AMD1: variants seen among roughly 807,000 people sequenced by gnomAD.
AMD1 encodes S-adenosylmethionine decarboxylase proenzyme.
In AMD1, 11 loss-of-function variants were observed where a neutral mutation model predicts 40.2. The observed-to-expected ratio is 0.27, with a 90% CI of 0.17 to 0.45. The LOEUF (loss-of-function observed/expected upper bound fraction) is 0.45. AMD1 is among the 20% of genes least tolerant of loss of function. The pLI, the probability that AMD1 is intolerant of heterozygous loss-of-function variation, is 1.00. For missense variants in AMD1, 257 were observed against 410.2 expected, an observed-to-expected ratio of 0.63 and a Z score of 3.23; for synonymous variants, 121 against 130.8, an observed-to-expected ratio of 0.93 and a Z score of 0.51.
intron 1 of AMD1, among the ~76,000 whole-genome samples, chr6:110,876,017 GGA>G (rs1009053773): frequency 6.6e-6 from 1 of 152,222 alleles, no homozygotes; most frequent in African/African-American, 2.4e-5. Flanking sequence ...GAGCGGGGCG[GGA>G]GAGGTGCGGG....
the AMD1 span, chr6:110,815,241 TCGCG>T: frequency 1.0e-4 from 114 of 1,128,994 alleles, no homozygotes; most frequent in Middle Eastern, 7.1e-4. Context: ...CAGCCGCCTC[TCGCG>T]CGCGCGCGCG....
At chr6:110,859,524 T>C in the AMD1 span, among the ~76,000 whole-genome samples, 10 of 152,188 alleles carry the variant, frequency 6.6e-5, no homozygotes, top group Non-Finnish European at 1.2e-4. Flanking sequence ...GTGGTTTCTG[T>C]ACCCGCAAAA....
At chr6:110,843,361 G>A in the AMD1 span, among the ~76,000 whole-genome samples, 3 of 150,786 alleles carry the variant, frequency 2.0e-5, no homozygotes, top group African/African-American at 7.3e-5. Flanking sequence ...CTACACGGGA[G>A]GCTGAGGCAG....
chr6:110,848,554 T>C, the AMD1 span: 10 of 379,620 alleles, frequency 2.6e-5, no homozygotes, highest in East Asian at 2.0e-4. Context: ...ACTGCACTTA[T>C]GTATGTTTTT....
chr6:110,869,255 C>CA, the AMD1 span, among the ~76,000 whole-genome samples: 979 of 151,808 alleles, frequency 6.4e-3, 5 homozygotes, highest in African/African-American at 0.022. Context: ...CTCAGCCTCC[C>CA]AAGTAGCTGG....
chr6:110,875,222 C>T lies in AMD1; in HGVS notation c.110+7C>T, dbSNP rs374054924. On this transcript the variant is annotated splice_region_variant and intron_variant, in intron 1 of 8. Coordinates refer to ENST00000368885, the MANE Select transcript of AMD1 (RefSeq NM_001634.6). Reference sequence around the variant, plus strand: ...ATCTTCGCACTATCCCAAGGTGGGTCCCCGGGGCGCTCGCTGACATCCGGG... The same window carrying T: ...ATCTTCGCACTATCCCAAGGTGGGTTCCCGGGGCGCTCGCTGACATCCGGG... The T allele has an allele frequency of 8.0e-5, 128 of 1,596,044 alleles. No individual in the cohort carries two copies. The highest frequency in any genetic ancestry group is 6.4e-4 in the African/African-American group (48 of 74,522).
At chr6:110,820,827 C>T in the AMD1 span, among the ~76,000 whole-genome samples, 2 of 151,960 alleles carry the variant, frequency 1.3e-5, no homozygotes, top group Admixed American at 6.5e-5. Context: ...CACTTGAACC[C>T]GGGAGGCAGA....
the AMD1 span, among the ~76,000 whole-genome samples, chr6:110,844,234 AAAG>A: frequency 4.1e-5 from 6 of 147,142 alleles, no homozygotes; most frequent in East Asian, 2.0e-4. Context: ...CTTCAAAAAA[AAAG>A]AAAGAAAGAA....
At chr6:110,817,222 C>G in the AMD1 span, among the ~76,000 whole-genome samples, 2 of 152,248 alleles carry the variant, frequency 1.3e-5, no homozygotes, top group South Asian at 4.1e-4. Context: ...GAACTGCCTG[C>G]TAGGTTTTGA....
intron 3 of AMD1, chr6:110,889,892 C>T (rs933102197): frequency 4.8e-5 from 8 of 167,188 alleles, no homozygotes; most frequent in African/African-American, 1.7e-4. Flanking sequence ...TTATTCCCCC[C>T]AAATTTTTGC....
chr6:110,850,428 T>C, the AMD1 span, among the ~76,000 whole-genome samples: 124 of 152,220 alleles, frequency 8.1e-4, no homozygotes, highest in Non-Finnish European at 6.5e-4. Flanking sequence ...AGAAAACTGG[T>C]TTCTCTGTTT....
At chr6:110,859,833 G>T in the AMD1 span, among the ~76,000 whole-genome samples, 9 of 152,086 alleles carry the variant, frequency 5.9e-5, no homozygotes, top group Admixed American at 5.9e-4. Flanking sequence ...TGTGGCCTCA[G>T]TAGGTTTTGT....
At chr6:110,877,427 A>G (rs1240689620) in intron 1 of AMD1, among the ~76,000 whole-genome samples, 1 of 152,280 alleles carries the variant, frequency 6.6e-6, no homozygotes, top group Non-Finnish European at 1.5e-5. Context: ...ACAGCCTAGC[A>G]AAGAGAGTAT....
the AMD1 span, among the ~76,000 whole-genome samples, chr6:110,829,577 G>C: frequency 6.6e-6 from 1 of 151,994 alleles, no homozygotes; most frequent in African/African-American, 2.4e-5. Context: ...GCTGAGGCAG[G>C]AGAATGGCGT....
the AMD1 span, among the ~76,000 whole-genome samples, chr6:110,829,165 C>T: frequency 9.3e-5 from 14 of 151,184 alleles, no homozygotes; most frequent in African/African-American, 2.9e-4. Context: ...AACAAAACTC[C>T]GTCTCAAACA....
the AMD1 span, among the ~76,000 whole-genome samples, chr6:110,846,208 C>T: frequency 3.8e-4 from 58 of 152,214 alleles, no homozygotes; most frequent in African/African-American, 1.3e-3. Flanking sequence ...CACTGCACTC[C>T]AGCCTGGGTG....
the AMD1 span, among the ~76,000 whole-genome samples, chr6:110,821,750 A>G: frequency 6.6e-6 from 1 of 152,246 alleles, no homozygotes; most frequent in Non-Finnish European, 1.5e-5. Context: ...AAATAAAATA[A>G]AATTATTTGA....
chr6:110,890,625 A>G (rs1785960117), intron 4 of AMD1, among the ~76,000 whole-genome samples: 1 of 152,140 alleles, frequency 6.6e-6, no homozygotes, highest in African/African-American at 2.4e-5. Flanking sequence ...AGCTGGGGCT[A>G]CAGATGTTTG....
At chr6:110,887,104 C>T (rs1785736888) in intron 1 of AMD1, among the ~76,000 whole-genome samples, 1 of 151,970 alleles carries the variant, frequency 6.6e-6, no homozygotes, top group Non-Finnish European at 1.5e-5. Context: ...AATTTCTATG[C>T]CAATTAGATT....
Sources: gnomAD v4.1 joint callset for allele counts (sites outside exome capture counted in the v4.1 genomes callset) on GRCh38, gnomAD v4.1.1 for gene constraint, MANE v1.5 for transcripts, NCBI Gene and HGNC (gene_info 2026-07-23, HGNC 2026-07-21) for gene names.